NFIA: variants seen among roughly 807,000 people sequenced by gnomAD.
NFIA encodes the protein nuclear factor I A, also known as nuclear factor 1 A-type.
A neutral mutation model predicts 62.8 loss-of-function variants in NFIA; 8 were observed. That is an observed-to-expected ratio of 0.13 (90% confidence interval 0.07 to 0.23). The LOEUF (loss-of-function observed/expected upper bound fraction) is 0.23, where lower values mean the gene tolerates loss of function less well. Ranked by LOEUF, NFIA falls within the 10% of genes least tolerant of loss-of-function variation. The pLI, the probability that NFIA is intolerant of heterozygous loss-of-function variation, is 1.00. For synonymous variants in NFIA, 235 were observed against 238.1 expected (o/e 0.99, Z 0.12); for missense variants, 410 against 642.1 (o/e 0.64, Z 3.91).
intron 2 of NFIA, among the ~76,000 whole-genome samples, chr1:61,164,789 T>TG (rs1252316387): frequency 1.3e-5 from 2 of 151,894 alleles, no homozygotes; most frequent in African/African-American, 4.8e-5. Context: ...GCCTCTACAG[T>TG]GGGAGATGGT....
chr1:61,422,414 G>T (rs188841558), intron 9 of NFIA, among the ~76,000 whole-genome samples: 1 of 152,266 alleles, frequency 6.6e-6, no homozygotes, highest in Non-Finnish European at 1.5e-5. Context: ...CAGGTATAAT[G>T]GTTGAGTGAA....
At chr1:61,231,534 A>G (rs901590008) in intron 2 of NFIA, among the ~76,000 whole-genome samples, 21 of 150,770 alleles carry the variant, frequency 1.4e-4, no homozygotes, top group African/African-American at 4.4e-4. Context: ...GATCCATTCA[A>G]AAAATATCCA....
chr1:61,379,388 A>G (rs951709515), intron 6 of NFIA, among the ~76,000 whole-genome samples: 1 of 148,878 alleles, frequency 6.7e-6, no homozygotes, highest in African/African-American at 2.5e-5. Context: ...ACACTCAGCT[A>G]ACTTTTTCTT....
At chr1:61,245,180 G>T (rs1420203973) in intron 2 of NFIA, among the ~76,000 whole-genome samples, 1 of 152,036 alleles carries the variant, frequency 6.6e-6, no homozygotes, top group Non-Finnish European at 1.5e-5. Context: ...ATTTAGATGG[G>T]TTTTTCTTAA....
chr1:61,440,438 G>T (rs1335054058), intron 10 of NFIA, among the ~76,000 whole-genome samples: 1 of 152,200 alleles, frequency 6.6e-6, no homozygotes, highest in Non-Finnish European at 1.5e-5. Context: ...AAGTTGAGAT[G>T]CAGGATCATG....
At chr1:61,182,512 C>A (rs1650824411) in intron 2 of NFIA, among the ~76,000 whole-genome samples, 1 of 152,226 alleles carries the variant, frequency 6.6e-6, no homozygotes, top group Non-Finnish European at 1.5e-5. Context: ...TAAGATTAAT[C>A]AAGATTCAGG....
upstream of NFIA, among the ~76,000 whole-genome samples, chr1:61,081,076 C>T (rs905446489): frequency 6.6e-6 from 1 of 152,080 alleles, no homozygotes; most frequent in East Asian, 1.9e-4. Flanking sequence ...CCCCTGTGTG[C>T]CAGTGTCTTT....
At chr1:61,218,215 C>T (rs756900851) in intron 2 of NFIA, among the ~76,000 whole-genome samples, 3 of 152,216 alleles carry the variant, frequency 2.0e-5, no homozygotes, top group Non-Finnish European at 4.4e-5. Context: ...CTGATTCTCA[C>T]TTCGCTTCTG....
chr1:61,314,944 C>T (rs995638734), intron 3 of NFIA, among the ~76,000 whole-genome samples: 1 of 151,952 alleles, frequency 6.6e-6, no homozygotes, highest in Non-Finnish European at 1.5e-5. Context: ...GTTCACTGTT[C>T]GTATTTGTTT....
intron 10 of NFIA, among the ~76,000 whole-genome samples, chr1:61,438,566 A>G (rs1346371922): frequency 2.0e-5 from 3 of 152,204 alleles, no homozygotes; most frequent in Non-Finnish European, 4.4e-5. Flanking sequence ...ACCCAGTGGA[A>G]TGATATTTAT....
chr1:61,087,733 C>T (rs1219186026), intron 1 of NFIA, among the ~76,000 whole-genome samples: 4 of 152,092 alleles, frequency 2.6e-5, no homozygotes, highest in African/African-American at 9.7e-5. Context: ...GGCGGCTGGG[C>T]CCTGGCTGTA....
intron 2 of NFIA, among the ~76,000 whole-genome samples, chr1:61,183,839 T>C (rs931172388): frequency 6.6e-6 from 1 of 151,478 alleles, no homozygotes; most frequent in African/African-American, 2.4e-5. Flanking sequence ...CATGGTAAAG[T>C]GGGACCATAC....
intron 2 of NFIA, among the ~76,000 whole-genome samples, chr1:61,195,364 A>G (rs1651921902): frequency 6.6e-6 from 1 of 152,156 alleles, no homozygotes; most frequent in South Asian, 2.1e-4. Flanking sequence ...TTGTAAGTGA[A>G]ATGCAACCCA....
intron 6 of NFIA, among the ~76,000 whole-genome samples, chr1:61,381,998 A>G (rs1664440341): frequency 6.6e-6 from 1 of 152,178 alleles, no homozygotes. Flanking sequence ...TTACTTTTCC[A>G]GTTCATCCAA....
intron 2 of NFIA, among the ~76,000 whole-genome samples, chr1:61,254,671 A>T (rs1656262740): frequency 6.6e-6 from 1 of 152,234 alleles, no homozygotes. Flanking sequence ...AGAGCACAGT[A>T]AGATTCAAGT....
At position 61,426,502 on chromosome 1, in the gene NFIA, C is replaced by A. The variant is rs11555854; in HGVS notation, c.1458C>A (p.Phe486Leu). Residue 486 changes from phenylalanine to leucine, a missense_variant, in exon 10 of 11, where the codon TTC becomes TTA. Phe to Leu is a conservative substitution (Grantham distance 22, BLOSUM62 0). Around this residue, in one of 3 missense-constraint regions of NFIA, gnomAD observed 298 missense variants for 438.1 expected, o/e 0.68. Coordinates refer to ENST00000403491, the MANE Select transcript of NFIA (RefSeq NM_001134673.4). ...CCAGCACCTCCCCCGCAAACCGATTCGTCAGTGTTGGACCACGGGATCCAA... is the reference window on the plus strand; with the variant it reads ...CCAGCACCTCCCCCGCAAACCGATTAGTCAGTGTTGGACCACGGGATCCAA... ...STPSTSPANR[F>L]VSVGPRDPSF... 6.4e-7 allele frequency: 1 copy of A among 1,551,932 alleles called. No homozygotes were observed. The highest frequency in any genetic ancestry group is 1.4e-5 in the African/African-American group (1 of 73,022).
chr1:61,394,934 C>A (rs1665188914), intron 7 of NFIA, among the ~76,000 whole-genome samples: 2 of 152,092 alleles, frequency 1.3e-5, no homozygotes, highest in African/African-American at 4.8e-5. Flanking sequence ...CAATGAAACC[C>A]CATCTCTACT....
At chr1:61,304,932 C>T (rs1659686301) in intron 3 of NFIA, among the ~76,000 whole-genome samples, 2 of 152,132 alleles carry the variant, frequency 1.3e-5, no homozygotes, top group South Asian at 4.1e-4. Flanking sequence ...TGTCTCATAG[C>T]AGGGGTTAAG....
At chr1:61,207,974 CTTTT>C (rs11444962) in intron 2 of NFIA, among the ~76,000 whole-genome samples, 11 of 115,424 alleles carry the variant, frequency 9.5e-5, no homozygotes, top group Non-Finnish European at 1.0e-4. Flanking sequence ...TGCACTGAAC[CTTTT>C]TTTTTTTTTT....
Sources: allele counts gnomAD v4.1 joint callset (sites outside exome capture counted in the v4.1 genomes callset), GRCh38; gene constraint gnomAD v4.1.1; regional missense constraint gnomAD v4.1.1; transcripts MANE v1.5; gene names NCBI Gene and HGNC (gene_info 2026-07-23, HGNC 2026-07-21).